The following EYS variants were observed in gnomAD, a reference collection of about 807,000 sequenced individuals.
EYS encodes EGF-like photoreceptor maintenance factor, also known as protein eyes shut homolog.
In EYS, 250 loss-of-function variants were observed where a neutral mutation model predicts 282.1. The observed-to-expected ratio is 0.89, with a 90% CI of 0.80 to 0.98. EYS has a LOEUF of 0.98. Ranked by LOEUF, EYS falls within the 50% of genes least tolerant of loss-of-function variation. The probability of loss-of-function intolerance (pLI) is 0.00; values close to 1 mark genes in which losing one functional copy is unlikely to be tolerated. For synonymous variants in EYS, 1,355 were observed against 1,282.9 expected (o/e 1.06, Z -1.20); for missense variants, 4,016 against 3,709.0 (o/e 1.08, Z -2.15).
intron 13 of EYS, among the ~76,000 whole-genome samples, chr6:65,005,320 T>A (rs944540553): frequency 4.7e-5 from 7 of 147,782 alleles, no homozygotes. Context: ...ACGGTTCTCT[T>A]CCATGACCCA....
chr6:65,580,520 T>A (rs1190527139), intron 2 of EYS, among the ~76,000 whole-genome samples: 2 of 152,100 alleles, frequency 1.3e-5, no homozygotes, highest in African/African-American at 2.4e-5. Context: ...AACCTAATTT[T>A]GTAGAATGCT....
intron 24 of EYS, among the ~76,000 whole-genome samples, chr6:64,595,895 G>C (rs575273435): frequency 6.6e-6 from 1 of 152,226 alleles, no homozygotes; most frequent in Non-Finnish European, 1.5e-5. Flanking sequence ...ATCTGAGACT[G>C]GGTATTTCAT....
At chr6:64,446,503 A>G (rs1775121191) in intron 26 of EYS, among the ~76,000 whole-genome samples, 1 of 152,156 alleles carries the variant, frequency 6.6e-6, no homozygotes, top group African/African-American at 2.4e-5. Context: ...TACTTTTAAT[A>G]AAACAAATAT....
intron 31 of EYS, among the ~76,000 whole-genome samples, chr6:64,085,022 T>G (rs13195486): frequency 0.26 from 38,062 of 148,964 alleles, 5,059 homozygotes; most frequent in East Asian, 0.42. Flanking sequence ...TCTTCTGTTG[T>G]TTTTTTTGAG....
chr6:64,541,972 A>G (rs1054544586), intron 26 of EYS, among the ~76,000 whole-genome samples: 8 of 152,154 alleles, frequency 5.3e-5, no homozygotes, highest in African/African-American at 1.9e-4. Flanking sequence ...GTGGTTCATC[A>G]TTTATATTTA....
intron 34 of EYS, among the ~76,000 whole-genome samples, chr6:63,985,059 G>A (rs1767290886): frequency 6.6e-6 from 1 of 151,632 alleles, no homozygotes; most frequent in Admixed American, 6.6e-5. Context: ...TTTAAAAATA[G>A]GGTCATTGCA....
intron 22 of EYS, among the ~76,000 whole-genome samples, chr6:64,676,333 T>TATAG (rs1769677352): frequency 6.9e-6 from 1 of 144,288 alleles, no homozygotes. Context: ...TATATATCTA[T>TATAG]ATATCTATAT....
intron 39 of EYS, among the ~76,000 whole-genome samples, chr6:63,784,788 A>G (rs1371439683): frequency 6.6e-6 from 1 of 152,164 alleles, no homozygotes; most frequent in Non-Finnish European, 1.5e-5. Flanking sequence ...CCATATCACC[A>G]TGTAAAAAAT....
chr6:65,251,784 T>G (rs912015752), intron 12 of EYS, among the ~76,000 whole-genome samples: 7 of 152,038 alleles, frequency 4.6e-5, no homozygotes, highest in Admixed American at 1.3e-4. Context: ...GGGAGAACTC[T>G]GGTTCTGACT....
intron 12 of EYS, among the ~76,000 whole-genome samples, chr6:65,126,691 A>C (rs1775729610): frequency 6.6e-6 from 1 of 152,182 alleles, no homozygotes; most frequent in South Asian, 2.1e-4. Flanking sequence ...CTAGTTAGTA[A>C]TGAATGTGTT....
intron 31 of EYS, among the ~76,000 whole-genome samples, chr6:64,209,421 C>A (rs1765697171): frequency 6.6e-6 from 1 of 152,116 alleles, no homozygotes. Flanking sequence ...AATATTTTGT[C>A]ATAGTTGCAT....
chr6:65,615,178 T>C (rs928234323), intron 2 of EYS, among the ~76,000 whole-genome samples: 21 of 152,130 alleles, frequency 1.4e-4, no homozygotes, highest in Non-Finnish European at 2.6e-4. Flanking sequence ...AATTACTTTG[T>C]CCTTTCATTT....
At chr6:64,881,926 G>A (rs947933502) in intron 19 of EYS, among the ~76,000 whole-genome samples, 2 of 151,794 alleles carry the variant, frequency 1.3e-5, no homozygotes, top group African/African-American at 4.8e-5. Context: ...TTAATTAAAA[G>A]TACTATTAAT....
intron 7 of EYS, among the ~76,000 whole-genome samples, chr6:65,390,610 A>G (rs534134566): frequency 1.3e-5 from 2 of 152,162 alleles, no homozygotes; most frequent in South Asian, 2.1e-4. Flanking sequence ...TGGGCTGGGC[A>G]TGGTGGCTTA....
chr6:63,960,287 C>T (rs757836672), intron 35 of EYS, among the ~76,000 whole-genome samples: 2 of 152,134 alleles, frequency 1.3e-5, no homozygotes, highest in Non-Finnish European at 2.9e-5. Flanking sequence ...GCTGAAAAAG[C>T]AAGAGAACTA....
intron 2 of EYS, among the ~76,000 whole-genome samples, chr6:65,572,934 C>CT (rs1484770850): frequency 6.6e-6 from 1 of 152,056 alleles, no homozygotes; most frequent in Non-Finnish European, 1.5e-5. Context: ...CTTATACCTG[C>CT]TTTTTGATAG....
At chr6:64,577,071 G>A (rs1222943845) in intron 26 of EYS, among the ~76,000 whole-genome samples, 1 of 152,048 alleles carries the variant, frequency 6.6e-6, no homozygotes, top group Non-Finnish European at 1.5e-5. Flanking sequence ...ATCAAAGCTT[G>A]ACCACCACCA....
At chr6:64,634,388 A>T (rs1220544298) in intron 22 of EYS, among the ~76,000 whole-genome samples, 2 of 152,170 alleles carry the variant, frequency 1.3e-5, no homozygotes, top group African/African-American at 2.4e-5. Context: ...AAGAAGACAA[A>T]TCAGAAACTA....
chr6:64,267,853 G>A (rs1404659026), intron 30 of EYS, among the ~76,000 whole-genome samples: 4 of 151,950 alleles, frequency 2.6e-5, no homozygotes, highest in East Asian at 1.9e-4. Context: ...CATGTTTTAC[G>A]TATCTGGCAA....
Sources: gnomAD v4.1 joint callset for allele counts (sites outside exome capture counted in the v4.1 genomes callset) on GRCh38, gnomAD v4.1.1 for gene constraint, MANE v1.5 for transcripts, NCBI Gene and HGNC (gene_info 2026-07-23, HGNC 2026-07-21) for gene names.